Variants in TNKS observed in about 807,000 individuals in gnomAD.
TNKS encodes the protein poly [ADP-ribose] polymerase tankyrase-1.
Under a neutral mutation model 135.8 loss-of-function variants are expected in TNKS, and 72 were observed. That is an observed-to-expected ratio of 0.53 (90% CI 0.44 to 0.64). TNKS has a LOEUF of 0.64. Ranked by LOEUF, TNKS falls within the 30% of genes least tolerant of loss-of-function variation. TNKS has a pLI of 0.00. For missense variants in TNKS, 1,769 were observed against 1,674.0 expected (o/e 1.06, Z -0.99); for synonymous variants, 849 against 649.3 (o/e 1.31, Z -4.68).
intron 2 of TNKS, among the ~76,000 whole-genome samples, chr8:9,602,764 A>T (rs1318435745): frequency 6.6e-6 from 1 of 152,208 alleles, no homozygotes; most frequent in African/African-American, 2.4e-5. Flanking sequence ...ATACCAACTT[A>T]ATAATGTTTC....
chr8:9,608,849 C>T (rs1006559120), intron 2 of TNKS, among the ~76,000 whole-genome samples: 17 of 152,278 alleles, frequency 1.1e-4, no homozygotes, highest in Admixed American at 5.2e-4. Flanking sequence ...GTGAGTTTCT[C>T]TTCTTTCAGG....
intron 12 of TNKS, among the ~76,000 whole-genome samples, chr8:9,724,835 T>C (rs1347403869): frequency 6.6e-6 from 1 of 152,230 alleles, no homozygotes; most frequent in Admixed American, 6.5e-5. Context: ...TGGAAAATTA[T>C]ACTCTTTAGT....
At chr8:9,556,721 G>C (rs770406324) in intron 1 of TNKS, 109 bp downstream of exon 1, 31 of 1,301,422 alleles carry the variant, frequency 2.4e-5, no homozygotes, top group African/African-American at 5.9e-5. Context: ...CGTGGTTATG[G>C]TTCTTCATCA....
intron 5 of TNKS, among the ~76,000 whole-genome samples, chr8:9,690,574 A>T (rs1407554749): frequency 6.6e-6 from 1 of 152,152 alleles, no homozygotes; most frequent in East Asian, 1.9e-4. Context: ...AGCCTGGCCA[A>T]CATGGTAAAA....
At chr8:9,747,596 A>G (rs1806305785) in intron 17 of TNKS, among the ~76,000 whole-genome samples, 3 of 152,258 alleles carry the variant, frequency 2.0e-5, no homozygotes, top group African/African-American at 7.2e-5. Flanking sequence ...GTAGAAAAGA[A>G]ATGGGAAGAT....
chr8:9,767,695 C>G (rs62489387), intron 25 of TNKS, among the ~76,000 whole-genome samples: 10,136 of 152,148 alleles, frequency 0.067, 436 homozygotes, highest in East Asian at 0.17. Flanking sequence ...CATGGTGGCT[C>G]ACACCTGTAA....
chr8:9,565,238 G>T (rs1361319265), intron 1 of TNKS, among the ~76,000 whole-genome samples: 1 of 151,940 alleles, frequency 6.6e-6, no homozygotes, highest in South Asian at 2.1e-4. Flanking sequence ...CTGTTTTTTG[G>T]AGTGTGTCAG....
chr8:9,767,395 A>C (rs1563221554), intron 25 of TNKS, among the ~76,000 whole-genome samples: 1 of 152,232 alleles, frequency 6.6e-6, no homozygotes, highest in Non-Finnish European at 1.5e-5. Flanking sequence ...ATTTCTGTGT[A>C]AACTTACTTA....
intron 3 of TNKS, among the ~76,000 whole-genome samples, chr8:9,633,304 T>C (rs1013501137): frequency 2.6e-5 from 4 of 152,206 alleles, no homozygotes; most frequent in Non-Finnish European, 4.4e-5. Flanking sequence ...TTGCAAAATA[T>C]TGGAGCCTGC....
At chr8:9,601,146 A>T (rs1799001809) in intron 2 of TNKS, among the ~76,000 whole-genome samples, 1 of 152,230 alleles carries the variant, frequency 6.6e-6, no homozygotes, top group Admixed American at 6.5e-5. Context: ...ACAGTGTAGA[A>T]ATGTATAAAA....
chr8:9,712,559 A>G (rs1804391087), intron 11 of TNKS, among the ~76,000 whole-genome samples: 1 of 152,170 alleles, frequency 6.6e-6, no homozygotes, highest in African/African-American at 2.4e-5. Flanking sequence ...TTAAATGTTT[A>G]AACTACAGTC....
chr8:9,608,862 T>C (rs1799336523), intron 2 of TNKS, among the ~76,000 whole-genome samples: 1 of 152,200 alleles, frequency 6.6e-6, no homozygotes, highest in African/African-American at 2.4e-5. Flanking sequence ...CTTTCAGGGA[T>C]CACTGTTTAC....
At chr8:9,627,336 T>C (rs1800098332) in intron 3 of TNKS, among the ~76,000 whole-genome samples, 1 of 152,192 alleles carries the variant, frequency 6.6e-6, no homozygotes. Context: ...AGCAAATAAA[T>C]TAAACCCAAA....
chr8:9,764,313 G>A (rs1394536130), intron 22 of TNKS, among the ~76,000 whole-genome samples: 1 of 151,880 alleles, frequency 6.6e-6, no homozygotes, highest in Non-Finnish European at 1.5e-5. Flanking sequence ...AGATAATATG[G>A]AATATTTCAC....
chr8:9,602,172 A>G (rs1002357125), intron 2 of TNKS, among the ~76,000 whole-genome samples: 7 of 152,180 alleles, frequency 4.6e-5, no homozygotes, highest in Non-Finnish European at 1.0e-4. Context: ...TTCAACAGAC[A>G]AGCCGTGGCA....
chr8:9,677,332 G>C (rs895900080), intron 3 of TNKS, among the ~76,000 whole-genome samples: 1 of 152,138 alleles, frequency 6.6e-6, no homozygotes, highest in African/African-American at 2.4e-5. Flanking sequence ...ATCCGGGAAG[G>C]AATAGCATTT....
rs140506264 is a variant in TNKS at position 9,719,077 on chromosome 8, T to C, written c.1750-1297T>C. 2.6e-4 allele frequency among the ~76,000 whole-genome samples: 40 copies of C among 152,348 alleles called. No individual in the cohort carries two copies. In the East Asian group the frequency reaches 6.2e-3, roughly 23 times the overall value. On this transcript the variant is annotated intron_variant, in intron 11 of 26. Coordinates refer to ENST00000310430, the MANE Select transcript of TNKS (RefSeq NM_003747.3). ...TTAGTTTGGTAGCTTGTGTTATCCA[T>C]TGATACATGCTAATGGCTGTGCTTT...
chr8:9,688,870 A>T (rs1803133041), intron 5 of TNKS, among the ~76,000 whole-genome samples: 1 of 152,106 alleles, frequency 6.6e-6, no homozygotes, highest in African/African-American at 2.4e-5. Flanking sequence ...GGAAGTCCTG[A>T]CCTCAGGTGA....
At chr8:9,629,718 T>C (rs890571384) in intron 3 of TNKS, among the ~76,000 whole-genome samples, 3 of 152,282 alleles carry the variant, frequency 2.0e-5, no homozygotes, top group Non-Finnish European at 4.4e-5. Context: ...AGTCTCGCTC[T>C]GTCGCCCAGG....
Sources: gnomAD v4.1 joint callset for allele counts (sites outside exome capture counted in the v4.1 genomes callset) on GRCh38, gnomAD v4.1.1 for gene constraint, MANE v1.5 for transcripts, NCBI Gene and HGNC (gene_info 2026-07-23, HGNC 2026-07-21) for gene names.